ANKS3: variants seen among roughly 807,000 people sequenced by gnomAD.
ANKS3 encodes ankyrin repeat and SAM domain-containing protein 3.
ANKS3 carries 62 observed loss-of-function variants against 80.7 expected under a neutral mutation model. The observed-to-expected ratio is 0.77, with a 90% confidence interval of 0.63 to 0.95. The LOEUF is 0.95. ANKS3 is among the 40% of genes least tolerant of loss of function. The probability of loss-of-function intolerance (pLI) is 0.00; values close to 1 mark genes in which losing one functional copy is unlikely to be tolerated. For missense variants in ANKS3, 1,150 were observed against 883.6 expected (o/e 1.30, Z -3.82); for synonymous variants, 489 against 355.3 (o/e 1.38, Z -4.23).
At chr16:4,706,034 A>T (rs559487913) in intron 7 of ANKS3, among the ~76,000 whole-genome samples, 4 of 151,292 alleles carry the variant, frequency 2.6e-5, no homozygotes, top group Non-Finnish European at 5.9e-5. Context: ...AGTAGTTGGG[A>T]ATTATAGGCA....
intron 1 of ANKS3, among the ~76,000 whole-genome samples, chr16:4,731,896 C>A (rs1474605555): frequency 6.6e-6 from 1 of 152,050 alleles, no homozygotes; most frequent in African/African-American, 2.4e-5. Context: ...CTAGTAGAAT[C>A]CTTAGGTACA....
intron 6 of ANKS3, among the ~76,000 whole-genome samples, chr16:4,720,549 C>T (rs1432606791): frequency 6.6e-6 from 1 of 151,224 alleles, no homozygotes; most frequent in East Asian, 1.9e-4. Flanking sequence ...TACCCACTAC[C>T]GACTGAACCC....
intron 1 of ANKS3, among the ~76,000 whole-genome samples, chr16:4,733,416 C>G: frequency 6.6e-6 from 1 of 151,786 alleles, no homozygotes. Flanking sequence ...CTCAGCTTCC[C>G]GAGTAGCTGA....
Position 4,714,171 on chromosome 16 carries a change from C to A in ANKS3, c.589G>T (p.Ala197Ser), listed in dbSNP as rs544577604. ...GCTGTGGCTCCACTGTGGTCTCTCGCGTCCACCTTGACTCCCTGTGAATGT... is the reference window on the plus strand; with the variant it reads ...GCTGTGGCTCCACTGTGGTCTCTCGAGTCCACCTTGACTCCCTGTGAATGT... ...YFLNHGVKVDARDHSGATARM... is the reference protein window; with the variant it reads ...YFLNHGVKVDSRDHSGATARM... The change falls in exon 7 of 18, where the codon GCG becomes TCG. Residue 197 changes from alanine to serine, a missense_variant. Ala to Ser is a moderately conservative substitution (Grantham distance 99). Coordinates refer to ENST00000304283, the MANE Select transcript of ANKS3 (RefSeq NM_133450.4). The A allele has an allele frequency of 2.5e-6, 4 of 1,614,108 alleles. No individual in the cohort carries two copies. Among genetic ancestry groups the A allele is most frequent in the Admixed American group, 1.7e-5 (1 of 60,010 alleles).
intron 6 of ANKS3, among the ~76,000 whole-genome samples, chr16:4,721,715 C>G (rs762956254): frequency 2.0e-5 from 3 of 151,078 alleles, no homozygotes; most frequent in Non-Finnish European, 4.4e-5. Flanking sequence ...CTTGGCTCAT[C>G]GCAACCTCTG....
chr16:4,733,963 CG>C lies in ANKS3; in HGVS notation c.-97del, dbSNP rs916842311. 8.9e-5 allele frequency: 88 copies of C among 985,540 alleles called. No individual in the cohort carries two copies. In the African/African-American group the frequency reaches 1.5e-3, roughly 16 times the overall value. 61.0% of individuals were successfully genotyped at this position (985,540 alleles called of 1,614,324 possible). ...AGCAGTGACGCTTCCCGACGCCCCC[CG>C]GCCACATCCCCACAGGAACGCTACG... is the stretch of plus-strand genomic sequence containing the variant. On this transcript the variant is annotated 5_prime_UTR_variant, in exon 1 of 18. The change creates a premature stop within an existing upstream ORF in the 5' untranslated region. Transcript: ENST00000304283.
Position 4,696,660 on chromosome 16 carries a change from A to T in ANKS3, c.*248T>A, listed in dbSNP as rs2079568565. 3.0e-6 allele frequency: 1 copy of T among 332,944 alleles called. No homozygotes were observed. Among genetic ancestry groups the T allele is most frequent in the South Asian group, 3.4e-5 (1 of 29,120 alleles). The allele number at this position is 332,944 out of a possible 1,614,324, so 20.6% of individuals were successfully genotyped here. ...TGCCTGGTATGGGCCAGGGCAGCCC[A>T]TGAACTCTGGGCCTCACCACGAGGT... On this transcript the variant is annotated 3_prime_UTR_variant, in exon 18 of 18. Coordinates refer to ENST00000304283, the MANE Select transcript of ANKS3 (RefSeq NM_133450.4).
At chr16:4,729,047 C>G (rs1596461108) in intron 3 of ANKS3, among the ~76,000 whole-genome samples, 1 of 152,278 alleles carries the variant, frequency 6.6e-6, no homozygotes, top group Middle Eastern at 3.4e-3. Flanking sequence ...AAATGAGAAC[C>G]AGGAGACAGA....
intron 7 of ANKS3, among the ~76,000 whole-genome samples, chr16:4,706,792 T>C (rs2080218593): frequency 6.6e-6 from 1 of 152,176 alleles, no homozygotes; most frequent in Admixed American, 6.6e-5. Flanking sequence ...GGAAAGGTCC[T>C]TTGCATTACC....
intron 7 of ANKS3, among the ~76,000 whole-genome samples, chr16:4,711,614 A>C (rs968427587): frequency 2.6e-5 from 4 of 151,138 alleles, no homozygotes; most frequent in African/African-American, 9.7e-5. Flanking sequence ...TCTACTTGGG[A>C]CGCTGAGGCA....
At chr16:4,705,949 G>T (rs1347886961) in intron 7 of ANKS3, among the ~76,000 whole-genome samples, 3 of 149,746 alleles carry the variant, frequency 2.0e-5, no homozygotes, top group African/African-American at 7.3e-5. Context: ...CTTTTGAGAA[G>T]GAGTTTTGCT....
intron 6 of ANKS3, among the ~76,000 whole-genome samples, chr16:4,718,507 C>A (rs183953507): frequency 6.6e-6 from 1 of 152,230 alleles, no homozygotes. Context: ...GCCCTTTCCT[C>A]CCCTAGCAAA....
At chr16:4,728,344 G>A (rs1224513044) in intron 3 of ANKS3, among the ~76,000 whole-genome samples, 3 of 152,196 alleles carry the variant, frequency 2.0e-5, no homozygotes, top group South Asian at 2.1e-4. Context: ...GCGCCCAGCC[G>A]GGATTCACAT....
In ANKS3 at chr16:4,698,803, G is replaced by C. The variant is rs901325894; in HGVS notation, c.1548C>G (p.His516Gln). 1.2e-6 allele frequency: 2 copies of C among 1,605,270 alleles called. No individual in the cohort carries two copies. Among genetic ancestry groups the C allele is most frequent in the South Asian group, 1.1e-5 (1 of 89,748 alleles). Residue 516 changes from histidine (H) to glutamine (Q), a missense_variant, in exon 13 of 18, where the codon CAC becomes CAG. Coordinates refer to ENST00000304283, the MANE Select transcript of ANKS3 (RefSeq NM_133450.4). ...AEMQELAIQL[H>Q]KRCEEVEATR... is the part of the protein sequence containing the mutation. ...CATCCCCCACCCAGCCACTCACCTT[G>C]TGCAGCTGGATGGCGAGCTCCTGCA...
intron 2 of ANKS3, among the ~76,000 whole-genome samples, chr16:4,731,311 G>A (rs796479947): frequency 5.9e-5 from 9 of 152,250 alleles, no homozygotes; most frequent in African/African-American, 1.4e-4. Flanking sequence ...AGACAGTCTC[G>A]CTCTGTTGCC....
chr16:4,701,806 C>G lies in ANKS3; in HGVS notation c.1010-263G>C, dbSNP rs539365804. The G allele has an allele frequency of 6.1e-4, 308 of 501,222 alleles. 3 individuals carry two copies. Among genetic ancestry groups the G allele is most frequent in the Non-Finnish European group, 8.6e-4 (244 of 283,702 alleles). The allele number at this position is 501,222 out of a possible 1,614,324, so 31.0% of individuals were successfully genotyped here. A position where few individuals can be genotyped will look rare whatever the true frequency, so the allele number is the denominator to read the frequency against. On this transcript the variant is annotated intron_variant, in intron 9 of 17. Coordinates refer to ENST00000304283, the MANE Select transcript of ANKS3 (RefSeq NM_133450.4). ...GGGCACTATGGAAACAGCTGCTGCA[C>G]GGAGGTGCAGTTATAACAGACATTC...
At chr16:4,703,371 T>G (rs2080020252) in intron 8 of ANKS3, among the ~76,000 whole-genome samples, 2 of 151,970 alleles carry the variant, frequency 1.3e-5, no homozygotes, top group African/African-American at 4.8e-5. Flanking sequence ...TACCTCAGCC[T>G]TCCAAAGTGC....
chr16:4,727,383 G>C (rs757129182), intron 3 of ANKS3: 1 of 612,018 alleles, frequency 1.6e-6, no homozygotes, highest in South Asian at 1.9e-5. Flanking sequence ...CTGAGCCTTC[G>C]TCTCCTTGCT....
chr16:4,702,074 C>G (rs371052439), intron 9 of ANKS3, 28 bp downstream of exon 9: 2 of 1,548,386 alleles, frequency 1.3e-6, no homozygotes, highest in Non-Finnish European at 1.7e-6. Flanking sequence ...GCCTGAGCCA[C>G]GGGCCGGATG....
Sources: allele counts gnomAD v4.1 joint callset (sites outside exome capture counted in the v4.1 genomes callset), GRCh38; gene constraint gnomAD v4.1.1; transcripts MANE v1.5; gene names NCBI Gene and HGNC (gene_info 2026-07-23, HGNC 2026-07-21).